Variants in NRXN3 observed in about 807,000 individuals in gnomAD.
NRXN3 encodes the protein neurexin III.
A neutral mutation model predicts 137.6 loss-of-function variants in NRXN3; 32 were observed. The observed-to-expected ratio is 0.23, with a 90% CI of 0.18 to 0.31. The LOEUF is 0.31. Among genes scored for constraint, NRXN3 ranks in the 10% least tolerant of loss-of-function variants. The pLI is 1.00. For missense variants in NRXN3, 1,574 were observed against 2,062.5 expected (o/e 0.76, Z 4.59); for synonymous variants, 798 against 784.5 (o/e 1.02, Z -0.29).
At chr14:78,777,885 C>A (rs911291444) in intron 8 of NRXN3, among the ~76,000 whole-genome samples, 1 of 152,148 alleles carries the variant, frequency 6.6e-6, no homozygotes, top group African/African-American at 2.4e-5. Flanking sequence ...ACCTTAGCAT[C>A]CCAAGTAACT....
intron 15 of NRXN3, among the ~76,000 whole-genome samples, chr14:79,451,336 G>T (rs1289709592): frequency 5.9e-5 from 9 of 152,304 alleles, no homozygotes; most frequent in Admixed American, 5.9e-4. Context: ...TTTTAAAATA[G>T]TGGTATGACC....
intron 8 of NRXN3, among the ~76,000 whole-genome samples, chr14:78,779,534 G>C (rs2098761029): frequency 6.6e-6 from 1 of 152,032 alleles, no homozygotes; most frequent in African/African-American, 2.4e-5. Flanking sequence ...AAAAAGATTG[G>C]AGAGGAATCT....
At chr14:78,709,868 G>GCAATTGTCT in intron 7 of NRXN3, 1 of 560,844 alleles carries the variant, frequency 1.8e-6, no homozygotes, top group Non-Finnish European at 3.2e-6. Flanking sequence ...CACTCACTGC[G>GCAATTGTCT]CAATTGTCTC....
intron 15 of NRXN3, among the ~76,000 whole-genome samples, chr14:79,197,673 G>A (rs912410608): frequency 2.0e-5 from 3 of 151,904 alleles, no homozygotes; most frequent in South Asian, 2.1e-4. Context: ...CCAGGCATCC[G>A]CTTGGTTTGG....
chr14:78,823,004 A>G (rs1474418368), intron 10 of NRXN3, among the ~76,000 whole-genome samples: 5 of 152,176 alleles, frequency 3.3e-5, no homozygotes, highest in African/African-American at 4.8e-5. Flanking sequence ...GCTCAGCTCT[A>G]TAGGCATATT....
chr14:78,172,752 T>G (rs930429958), intron 1 of NRXN3, among the ~76,000 whole-genome samples: 52 of 152,168 alleles, frequency 3.4e-4, no homozygotes, highest in Non-Finnish European at 1.5e-4. Flanking sequence ...TGCCCTTTTC[T>G]GGAGCTTTCT....
chr14:79,533,123 CATAT>C (rs1172664460), intron 16 of NRXN3, among the ~76,000 whole-genome samples: 2 of 152,054 alleles, frequency 1.3e-5, no homozygotes, highest in Non-Finnish European at 2.9e-5. Context: ...CCATATTTAA[CATAT>C]ATTTACTCAT....
chr14:79,295,026 T>C (rs1390180046), intron 15 of NRXN3, among the ~76,000 whole-genome samples: 2 of 152,010 alleles, frequency 1.3e-5, no homozygotes, highest in Admixed American at 1.3e-4. Flanking sequence ...ACCAGTCTGA[T>C]CATGCCGCTC....
At chr14:78,492,099 G>A (rs1226407748) in intron 4 of NRXN3, among the ~76,000 whole-genome samples, 1 of 152,116 alleles carries the variant, frequency 6.6e-6, no homozygotes. Flanking sequence ...TTTTAGGGTT[G>A]TTTTATCTCT....
At chr14:78,438,625 G>C (rs1055210848) in intron 4 of NRXN3, among the ~76,000 whole-genome samples, 1 of 152,098 alleles carries the variant, frequency 6.6e-6, no homozygotes, top group Non-Finnish European at 1.5e-5. Flanking sequence ...CTGGCACCTC[G>C]GGGTCTAAGC....
chr14:79,805,463 A>G (rs2099200615), intron 20 of NRXN3, among the ~76,000 whole-genome samples: 2 of 152,122 alleles, frequency 1.3e-5, no homozygotes, highest in African/African-American at 4.8e-5. Flanking sequence ...AACATTGGGC[A>G]AGCAGATGCC....
chr14:78,459,052 T>C (rs1404926024), intron 4 of NRXN3, among the ~76,000 whole-genome samples: 2 of 152,208 alleles, frequency 1.3e-5, no homozygotes, highest in South Asian at 2.1e-4. Context: ...CTTTTCCTTC[T>C]TGTGTTCTAT....
intron 15 of NRXN3, among the ~76,000 whole-genome samples, chr14:79,221,386 C>G (rs1209195258): frequency 6.6e-6 from 1 of 152,116 alleles, no homozygotes; most frequent in African/African-American, 2.4e-5. Flanking sequence ...TAAAAGCGTT[C>G]CTATTTCTTC....
At chr14:79,587,109 G>A (rs2097770106) in intron 16 of NRXN3, among the ~76,000 whole-genome samples, 1 of 152,138 alleles carries the variant, frequency 6.6e-6, no homozygotes, top group African/African-American at 2.4e-5. Context: ...GACTTTCACG[G>A]GGAGCCATTT....
intron 17 of NRXN3, among the ~76,000 whole-genome samples, chr14:79,681,677 C>A (rs74427496): frequency 0.014 from 2,152 of 152,026 alleles, 47 homozygotes; most frequent in African/African-American, 0.049. Flanking sequence ...AAGATAGATT[C>A]AAACTGTTAT....
At chr14:78,745,769 T>C (rs1567202243) in intron 8 of NRXN3, among the ~76,000 whole-genome samples, 1 of 152,192 alleles carries the variant, frequency 6.6e-6, no homozygotes, top group South Asian at 2.1e-4. Flanking sequence ...GTTGATCCTC[T>C]TTTGATTAAA....
chr14:78,302,595 C>A (rs1178736309), intron 4 of NRXN3, among the ~76,000 whole-genome samples: 1 of 152,174 alleles, frequency 6.6e-6, no homozygotes, highest in African/African-American at 2.4e-5. Flanking sequence ...TTCCAGCCTA[C>A]CACCTTGCAT....
At chr14:79,238,493 A>T (rs1006814129) in intron 15 of NRXN3, among the ~76,000 whole-genome samples, 1 of 152,076 alleles carries the variant, frequency 6.6e-6, no homozygotes, top group South Asian at 2.1e-4. Context: ...TCTAATAGTT[A>T]TCACTAGTTG....
At chr14:79,328,516 G>C (rs942390361) in intron 15 of NRXN3, among the ~76,000 whole-genome samples, 1 of 152,124 alleles carries the variant, frequency 6.6e-6, no homozygotes, top group Admixed American at 6.5e-5. Flanking sequence ...AAGCAATAAC[G>C]AAGTGCCATG....
Sources: allele counts gnomAD v4.1 joint callset (sites outside exome capture counted in the v4.1 genomes callset), GRCh38; gene constraint gnomAD v4.1.1; transcripts MANE v1.5; gene names NCBI Gene and HGNC (gene_info 2026-07-23, HGNC 2026-07-21).